Variants in ZNF729 observed in about 807,000 individuals in gnomAD.
The protein encoded by ZNF729 is zinc finger protein 729.
In ZNF729, 15 loss-of-function variants were observed where a neutral mutation model predicts 12.2. That is an observed-to-expected ratio of 1.23 (90% CI 0.82 to 1.89). ZNF729 has a LOEUF of 1.89. Ranked by LOEUF, ZNF729 falls within the 40% of genes most tolerant of loss-of-function variation. The pLI, the probability that ZNF729 is intolerant of heterozygous loss-of-function variation, is 0.00. For missense variants in ZNF729, 1,540 were observed against 1,456.7 expected (o/e 1.06, Z -0.93); for synonymous variants, 492 against 476.3 (o/e 1.03, Z -0.43).
At position 22,301,290 on chromosome 19, in the gene ZNF729, C is replaced by A. The variant is rs557806583; in HGVS notation, c.31-2468C>A. Among the ~76,000 whole-genome samples, 14 of 152,314 alleles carry A rather than the reference C, an allele frequency of 9.2e-5. 1 individual carries two copies. On this transcript the variant is annotated intron_variant, in intron 1 of 3. Transcript: ENST00000601693. ...CACACTGCTAATCAAGTGTATGTTG[C>A]GGGCAACTTGAATATTTGCTCCCAG...
At chr19:22,303,735 G>T in intron 1 of ZNF729, 23 bp from the exon 2 acceptor site, 1 of 1,524,772 alleles carries the variant, frequency 6.6e-7, no homozygotes, top group East Asian at 2.5e-5. Flanking sequence ...AAATGTATAT[G>T]TGTCTTTCGT....
At chr19:22,309,310 T>G (rs1968422224) in intron 3 of ZNF729, among the ~76,000 whole-genome samples, 1 of 152,048 alleles carries the variant, frequency 6.6e-6, no homozygotes, top group Non-Finnish European at 1.5e-5. Flanking sequence ...CCAGGTGCAG[T>G]GGTGGGTGCC....
chr19:22,315,699 T>G lies in ZNF729; in HGVS notation c.2282T>G (p.Ile761Ser). Residue 761 changes from isoleucine (I) to serine (S), a missense_variant, in exon 4 of 4, where the codon ATT becomes AGT. Ile to Ser is a moderately radical substitution (Grantham distance 142). Transcript: ENST00000601693. ...HFSALRKHKV[I>S]HTREKLYKCE... ...TCAGCCCTTAGAAAACATAAGGTAA[T>G]TCATACTAGGGAGAAATTGTACAAA... is the stretch of plus-strand genomic sequence containing the variant. 2 of 1,605,878 alleles carry G rather than the reference T, an allele frequency of 1.2e-6. No homozygotes were observed. The highest frequency in any genetic ancestry group is 1.7e-5 in the Admixed American group (1 of 59,370).
intron 1 of ZNF729, chr19:22,299,692 G>A (rs1968280106): frequency 6.5e-6 from 1 of 152,854 alleles, no homozygotes; most frequent in African/African-American, 2.4e-5. Context: ...AGAAATTTTG[G>A]AGCTATCTGT....
chr19:22,304,687 G>C lies in ZNF729; in HGVS notation c.158-1G>C, dbSNP rs1968357102. 2 of 1,610,484 alleles carry C rather than the reference G, an allele frequency of 1.2e-6. No homozygotes were observed. The highest frequency in any genetic ancestry group is 1.3e-5 in the African/African-American group (1 of 74,896). On this transcript the variant is annotated splice_acceptor_variant, in intron 2 of 3. Transcript: ENST00000601693. LOFTEE classifies it high-confidence loss of function. ...TATGTTATTTATTTTTAATAAAACA[G>C]GTATGGCTGTCTTTAAGCCAGACTT...
chr19:22,288,810 A>G (rs1262230795), intron 1 of ZNF729, among the ~76,000 whole-genome samples: 1 of 152,202 alleles, frequency 6.6e-6, no homozygotes, highest in Non-Finnish European at 1.5e-5. Flanking sequence ...GGAAAGAAAT[A>G]TAATGAAAAA....
intron 1 of ZNF729, among the ~76,000 whole-genome samples, chr19:22,287,791 C>A (rs1357536721): frequency 2.0e-5 from 3 of 151,138 alleles, no homozygotes; most frequent in Admixed American, 6.6e-5. Context: ...ATTTCCAGTT[C>A]ATTGTTACCT....
chr19:22,309,499 CA>C (rs1259438296), intron 3 of ZNF729, among the ~76,000 whole-genome samples: 2 of 152,114 alleles, frequency 1.3e-5, no homozygotes, highest in African/African-American at 4.8e-5. Flanking sequence ...TTTGCTTTGT[CA>C]AAGTTCAGTT....
chr19:22,293,948 T>C (rs1243305336), intron 1 of ZNF729, among the ~76,000 whole-genome samples: 1 of 152,256 alleles, frequency 6.6e-6, no homozygotes, highest in Non-Finnish European at 1.5e-5. Flanking sequence ...ATGGTTTCCA[T>C]TGCTGTGAAG....
Position 22,315,793 on chromosome 19 carries a change from A to G in ZNF729, c.2376A>G (p.Gly792=), listed in dbSNP as rs1470862065. The part of the protein sequence containing the change: ...ALMKHKVIHT[G]EKPYKCEECG... Reference sequence around the variant, plus strand: ...TGAAACATAAGGTAATTCATACTGGAGAGAAACCCTACAAGTGTGAAGAAT... The same window carrying G: ...TGAAACATAAGGTAATTCATACTGGGGAGAAACCCTACAAGTGTGAAGAAT... The change falls in exon 4 of 4, where the codon GGA becomes GGG. Residue 792 remains glycine, a synonymous_variant. Transcript: ENST00000601693. 7 of 1,610,576 alleles carry G rather than the reference A, an allele frequency of 4.3e-6. No homozygotes were observed. The highest frequency in any genetic ancestry group is 1.1e-5 in the South Asian group (1 of 91,054).
rs1281258365 is a variant in ZNF729 at position 22,316,243 on chromosome 19, C to G, written c.2826C>G (p.Gly942=). The change falls in exon 4 of 4, where the codon GGC becomes GGG. Residue 942 remains glycine, a synonymous_variant. Coordinates refer to ENST00000601693, the MANE Select transcript of ZNF729 (RefSeq NM_001242680.2). Reference sequence around the variant, plus strand: ...AACCCTACAAATGTGAAGAATGTGGCAAAGCTTTTAATGATTCCTCAACCC... The same window carrying G: ...AACCCTACAAATGTGAAGAATGTGGGAAAGCTTTTAATGATTCCTCAACCC... ...GKKPYKCEEC[G]KAFNDSSTLM... is the part of the protein sequence containing the mutation. 2 of 1,613,282 alleles carry G rather than the reference C, an allele frequency of 1.2e-6. No homozygotes were observed. The highest frequency in any genetic ancestry group is 1.7e-6 in the Non-Finnish European group (2 of 1,179,730).
At chr19:22,290,708 T>A (rs1968141002) in intron 1 of ZNF729, among the ~76,000 whole-genome samples, 1 of 152,172 alleles carries the variant, frequency 6.6e-6, no homozygotes, top group Admixed American at 6.5e-5. Flanking sequence ...TTAAGAAGTA[T>A]TCTAGGTTGA....
intron 1 of ZNF729, among the ~76,000 whole-genome samples, chr19:22,290,337 T>G (rs1252564313): frequency 6.6e-6 from 1 of 152,184 alleles, no homozygotes; most frequent in Non-Finnish European, 1.5e-5. Context: ...GAAATTGTTA[T>G]TGTTTTGTGG....
At chr19:22,310,434 C>T (rs958565049) in intron 3 of ZNF729, among the ~76,000 whole-genome samples, 1 of 152,070 alleles carries the variant, frequency 6.6e-6, no homozygotes. Flanking sequence ...TTGTTGAATA[C>T]TTTTTCTGCA....
Position 22,316,855 on chromosome 19 carries a change from C to A in ZNF729, c.3438C>A (p.Ile1146=). 6.2e-7 allele frequency: 1 copy of A among 1,612,882 alleles called. No individual in the cohort carries two copies. The highest frequency in any genetic ancestry group is 1.3e-5 in the African/African-American group (1 of 74,972). ...ECGKAFSQSS[I]LTKHKIIHSV... ...GCAAAGCCTTTAGTCAGTCCTCAAT[C>A]CTTACTAAACATAAGATAATTCATT... The change falls in exon 4 of 4, where the codon ATC becomes ATA. Residue 1146 remains isoleucine, a synonymous_variant. Coordinates refer to ENST00000601693, the MANE Select transcript of ZNF729 (RefSeq NM_001242680.2).
At chr19:22,298,500 A>C (rs1007213248) in intron 1 of ZNF729, among the ~76,000 whole-genome samples, 1 of 152,158 alleles carries the variant, frequency 6.6e-6, no homozygotes, top group Non-Finnish European at 1.5e-5. Flanking sequence ...GGATAACTAT[A>C]GGTAAGCATA....
rs200300996 is a variant in ZNF729, at chr19:22,314,464, G to A, written c.1047G>A (p.Lys349=). The A allele has an allele frequency of 3.3e-3, 5,129 of 1,535,430 alleles. 153 individuals carry two copies. Among genetic ancestry groups the A allele is most frequent in the East Asian group, 9.3e-3 (400 of 43,118 alleles). ...TTCATACTGGAAAGAAACCCTACAA[G>A]CGTGAAGAATGTGGCAAAGCTTTTA... The part of the protein sequence containing the change: ...KIIHTGKKPY[K]REECGKAFSQ... The change falls in exon 4 of 4, where the codon AAG becomes AAA. Residue 349 remains lysine, a synonymous_variant. Transcript: ENST00000601693.
intron 2 of ZNF729, among the ~76,000 whole-genome samples, 172 bp downstream of exon 2, chr19:22,304,056 GAGA>G (rs1968349459): frequency 4.8e-5 from 2 of 41,754 alleles, no homozygotes; most frequent in African/African-American, 1.6e-4. Context: ...TTTTTTTTTT[GAGA>G]AGGAGTTTCA....
At chr19:22,308,112 G>A (rs1968408129) in intron 3 of ZNF729, among the ~76,000 whole-genome samples, 1 of 152,078 alleles carries the variant, frequency 6.6e-6, no homozygotes, top group African/African-American at 2.4e-5. Flanking sequence ...GAGAACATAA[G>A]ATGTTTGGTT....
Sources: allele counts gnomAD v4.1 joint callset (sites outside exome capture counted in the v4.1 genomes callset), GRCh38; gene constraint gnomAD v4.1.1; transcripts MANE v1.5; gene names NCBI Gene and HGNC (gene_info 2026-07-23, HGNC 2026-07-21).